Variants in RET observed in about 807,000 individuals in gnomAD.
The protein encoded by RET is ret proto-oncogene.
RET carries 19 observed loss-of-function variants against 118.3 expected under a neutral mutation model. The observed-to-expected ratio is 0.16, with a 90% CI of 0.11 to 0.24. The LOEUF is 0.24. Ranked by LOEUF, RET falls within the 10% of genes least tolerant of loss-of-function variation. The probability of loss-of-function intolerance (pLI) is 1.00; values close to 1 mark genes in which losing one functional copy is unlikely to be tolerated. For missense variants in RET, 1,219 were observed against 1,502.1 expected (o/e 0.81, Z 3.12); for synonymous variants, 597 against 644.1 (o/e 0.93, Z 1.11).
At chr10:43,093,715 C>T (rs1484614201) in intron 1 of RET, among the ~76,000 whole-genome samples, 2 of 152,128 alleles carry the variant, frequency 1.3e-5, no homozygotes, top group Non-Finnish European at 2.9e-5. Flanking sequence ...GTGGGTTACC[C>T]AGGAGGGGCC....
chr10:43,091,966 G>A (rs76568066), intron 1 of RET, among the ~76,000 whole-genome samples: 4,946 of 152,238 alleles, frequency 0.032, 155 homozygotes, highest in East Asian at 0.12. Context: ...AGCTGACTTC[G>A]GCTCCAGCAC....
intron 2 of RET, 39 bp from the exon 3 acceptor site, chr10:43,102,303 T>C (rs757445903): frequency 1.9e-6 from 3 of 1,610,958 alleles, no homozygotes; most frequent in Non-Finnish European, 2.5e-6. Context: ...GCCTGGCAGA[T>C]GTGGCCGATG....
chr10:43,116,562 C>T (rs959299216), intron 11 of RET, 22 bp from the exon 12 acceptor site: 1 of 1,613,648 alleles, frequency 6.2e-7, no homozygotes, highest in Admixed American at 1.7e-5. Context: ...CTCTTCTCCC[C>T]CTTCCCTCAT....
chr10:43,106,635 G>A lies in RET; in HGVS notation c.1063+64G>A. 6.6e-7 allele frequency: 1 copy of A among 1,523,378 alleles called. No individual in the cohort carries two copies. Among genetic ancestry groups the A allele is most frequent in the Non-Finnish European group, 9.0e-7 (1 of 1,112,262 alleles). 94.4% of individuals were successfully genotyped at this position (1,523,378 alleles called of 1,614,324 possible). On this transcript the variant is annotated intron_variant, in intron 5 of 19. Coordinates refer to ENST00000355710, the MANE Select transcript of RET (RefSeq NM_020975.6). The surrounding 1 kb of genome is among the most constrained non-coding windows in gnomAD (Gnocchi z 5.1). ...GGAAATGAGGTGCTCGCTCTTCATG[G>A]GCAAGCAGCACCCTACACACATGCA...
In RET at chr10:43,077,252, A is replaced by G. The variant is rs1384965836; in HGVS notation, c.-7A>G. ...CCCTCCAGCCGTGGCCCCAGCGCGC[A>G]CGGGCGATGGCGAAGGCGACGTCCG... On this transcript the variant is annotated 5_prime_UTR_variant, in exon 1 of 20. Coordinates refer to ENST00000355710, the MANE Select transcript of RET (RefSeq NM_020975.6). 2 of 1,500,476 alleles carry G rather than the reference A, an allele frequency of 1.3e-6. No individual in the cohort carries two copies. The highest frequency in any genetic ancestry group is 1.4e-5 in the African/African-American group (1 of 69,246). The allele number at this position is 1,500,476 out of a possible 1,614,324, so 92.9% of individuals were successfully genotyped here. A position where few individuals can be genotyped will look rare whatever the true frequency, so the allele number is the denominator to read the frequency against.
chr10:43,119,506 C>G, intron 13 of RET, 25 bp from the exon 14 acceptor site: 1 of 1,576,780 alleles, frequency 6.3e-7, no homozygotes, highest in Non-Finnish European at 8.6e-7. Flanking sequence ...CCCGCACGCC[C>G]AGGGCCCCCT....
At chr10:43,100,016 T>C (rs971665147) in intron 1 of RET, among the ~76,000 whole-genome samples, 13 of 152,256 alleles carry the variant, frequency 8.5e-5, no homozygotes, top group Non-Finnish European at 1.9e-4. Context: ...TTTTCTTGGA[T>C]GAATGGAGTG....
At chr10:43,110,572 G>A (rs888010408) in intron 6 of RET, among the ~76,000 whole-genome samples, 1 of 152,174 alleles carries the variant, frequency 6.6e-6, no homozygotes, top group Admixed American at 6.5e-5. Context: ...CTCTTTCCCA[G>A]GGGCTCTGGT....
chr10:43,094,608 G>A (rs1414026291), intron 1 of RET, among the ~76,000 whole-genome samples: 2 of 152,168 alleles, frequency 1.3e-5, no homozygotes, highest in Admixed American at 6.5e-5. Context: ...GCTGCCGGGT[G>A]GTCGGCAGTG....
intron 5 of RET, among the ~76,000 whole-genome samples, chr10:43,108,804 C>T (rs944162514): frequency 1.3e-5 from 2 of 152,202 alleles, no homozygotes; most frequent in Non-Finnish European, 2.9e-5. Flanking sequence ...CACACACAGG[C>T]TGCCTCAAAT....
At position 43,077,081 on chromosome 10, in the gene RET, G is replaced by A. The variant is rs1049944405; in HGVS notation, c.-178G>A. On this transcript the variant is annotated 5_prime_UTR_variant, in exon 1 of 20. Transcript: ENST00000355710. ...CTTACCTCGCTTCAGTCCCGCGACC[G>A]AAGCAGGGCGCGCAGCAGCGCTGAG... 113 of 781,506 alleles carry A rather than the reference G, an allele frequency of 1.4e-4. 1 individual carries two copies. Among genetic ancestry groups the A allele is most frequent in the Admixed American group, 2.4e-4 (4 of 16,486 alleles). 48.4% of individuals were successfully genotyped at this position (781,506 alleles called of 1,614,324 possible).
At chr10:43,121,277 A>C (rs949694097) in intron 15 of RET, among the ~76,000 whole-genome samples, 1 of 152,248 alleles carries the variant, frequency 6.6e-6, no homozygotes, top group East Asian at 1.9e-4. Context: ...GTGTTTAAGT[A>C]AAAGAAGTGA....
At chr10:43,119,180 A>G (rs1011873952) in intron 13 of RET, among the ~76,000 whole-genome samples, 1 of 152,170 alleles carries the variant, frequency 6.6e-6, no homozygotes, top group Non-Finnish European at 1.5e-5. Flanking sequence ...CTCTGCCTCC[A>G]TCAGCATCCC....
chr10:43,089,250 G>A (rs111841746), intron 1 of RET, among the ~76,000 whole-genome samples: 4 of 152,350 alleles, frequency 2.6e-5, no homozygotes, highest in African/African-American at 9.6e-5. Flanking sequence ...CTCTCCTGAC[G>A]TCCCTGCCGG....
At position 43,105,132 on chromosome 10, in the gene RET, C is replaced by A. The variant is rs2132707855; in HGVS notation, c.806C>A (p.Ala269Glu). The A allele has an allele frequency of 6.2e-7, 1 of 1,612,614 alleles. No individual in the cohort carries two copies. Among genetic ancestry groups the A allele is most frequent in the Non-Finnish European group, 8.5e-7 (1 of 1,179,842 alleles). Residue 269 changes from alanine (A) to glutamate (E), a missense_variant, in exon 4 of 20, where the codon GCG (alanine) becomes GAG (glutamate). Transcript: ENST00000355710. Reference protein sequence around the residue: ...PVTVYDEDDSAPTFPAGVDTA... With the variant: ...PVTVYDEDDSEPTFPAGVDTA... ...ACCGTGTACGACGAGGACGACTCGG[C>A]GCCCACCTTCCCCGCGGGCGTCGAC...
chr10:43,111,145 C>A, intron 6 of RET, 62 bp from the exon 7 acceptor site: 2 of 1,605,688 alleles, frequency 1.2e-6, no homozygotes, highest in Non-Finnish European at 1.7e-6. Flanking sequence ...GGAATCTCTA[C>A]CCTCAGGCCA....
Position 43,114,394 on chromosome 10 carries a change from G to A in RET, c.1880-86G>A. 1 of 1,567,072 alleles carries A rather than the reference G, an allele frequency of 6.4e-7. No individual in the cohort carries two copies. Among genetic ancestry groups the A allele is most frequent in the Non-Finnish European group, 8.6e-7 (1 of 1,156,504 alleles). On this transcript the variant is annotated intron_variant, in intron 10 of 19. Transcript: ENST00000355710. The surrounding 1 kb of genome is among the most constrained non-coding windows in gnomAD (Gnocchi z 4.6). ...GCTGGCGCGGACACGGCAGGCTGGA[G>A]AGCCATGAGGCAGAGCATACGCAGC...
At position 43,126,698 on chromosome 10, in the gene RET, A is replaced by C. The variant is rs1439440590; in HGVS notation, c.3163A>C (p.Thr1055Pro). 1 of 1,613,856 alleles carries C rather than the reference A, an allele frequency of 6.2e-7. No individual in the cohort carries two copies. Residue 1055 changes from threonine to proline, a missense_variant, in exon 19 of 20, where the codon ACA (threonine) becomes CCA (proline). Transcript: ENST00000355710. ...NAPLPRALPS[T>P]WIENKLYGMS... ...CCCCCTCCCTCGAGCCCTCCCTTCC[A>C]CATGGATTGAAAACAAACTCTATGG... is the stretch of plus-strand genomic sequence containing the variant.
At chr10:43,085,084 C>T (rs1409694784) in intron 1 of RET, among the ~76,000 whole-genome samples, 1 of 152,208 alleles carries the variant, frequency 6.6e-6, no homozygotes, top group Non-Finnish European at 1.5e-5. Context: ...ACCTAGGCAG[C>T]TCTGGAGGCC....
Sources: gnomAD v4.1 joint callset for allele counts (sites outside exome capture counted in the v4.1 genomes callset) on GRCh38, gnomAD v4.1.1 for gene constraint, Gnocchi (gnomAD v3.1) non-coding constraint, MANE v1.5 for transcripts, NCBI Gene and HGNC (gene_info 2026-07-23, HGNC 2026-07-21) for gene names.